Variants in SCNN1B observed in about 807,000 individuals in gnomAD.
SCNN1B encodes sodium channel epithelial 1 subunit beta.
SCNN1B carries 46 observed loss-of-function variants against 65.3 expected under a neutral mutation model. The observed-to-expected ratio is 0.70, with a 90% CI of 0.56 to 0.90. SCNN1B has a LOEUF of 0.90. Among genes scored for constraint, SCNN1B ranks in the 40% least tolerant of loss-of-function variants. SCNN1B has a pLI of 0.00. For synonymous variants in SCNN1B, 349 were observed against 330.6 expected, an observed-to-expected ratio of 1.06 and a Z score of -0.60; for missense variants, 751 against 830.5, an observed-to-expected ratio of 0.90 and a Z score of 1.18.
intron 1 of SCNN1B, among the ~76,000 whole-genome samples, chr16:23,315,291 C>T (rs1170771305): frequency 6.6e-6 from 1 of 151,992 alleles, no homozygotes; most frequent in South Asian, 2.1e-4. Flanking sequence ...GAGCCAAGAT[C>T]GCACCATTGC....
intron 1 of SCNN1B, among the ~76,000 whole-genome samples, chr16:23,321,978 T>G (rs560062386): frequency 1.3e-5 from 2 of 152,208 alleles, no homozygotes; most frequent in South Asian, 4.2e-4. Context: ...TGAGCTAAGA[T>G]AGCACCACTG....
chr16:23,307,379 G>A (rs1216870056), intron 1 of SCNN1B, among the ~76,000 whole-genome samples: 1 of 149,174 alleles, frequency 6.7e-6, no homozygotes, highest in African/African-American at 2.5e-5. Flanking sequence ...GAGTGCAATG[G>A]TGTGATCTCG....
intron 1 of SCNN1B, among the ~76,000 whole-genome samples, chr16:23,323,953 T>G (rs888577817): frequency 2.0e-5 from 3 of 152,198 alleles, no homozygotes; most frequent in African/African-American, 7.2e-5. Flanking sequence ...TTCTCCCTAA[T>G]GAATTACAGT....
In SCNN1B at chr16:23,283,606, T is replaced by C. The variant is rs1481242712; in HGVS notation, n.111-131T>C. Reference sequence around the variant, plus strand: ...ATATGGCATTTGCACCATGGTAAAGTCAGAAAATCCTAAATTGAACCATTG... The same window carrying C: ...ATATGGCATTTGCACCATGGTAAAGCCAGAAAATCCTAAATTGAACCATTG... On this transcript the variant is annotated intron_variant and non_coding_transcript_variant, in intron 1 of 3. Coordinates refer to the SCNN1B transcript ENST00000569789. 4 of 152,162 alleles carry C rather than the reference T, an allele frequency of 2.6e-5. No homozygotes were observed. The East Asian group carries it at 7.7e-4, about 29-fold the overall frequency. 9.4% of individuals were successfully genotyped at this position (152,162 alleles called of 1,614,324 possible). A position where few individuals can be genotyped will look rare whatever the true frequency, so the allele number is the denominator to read the frequency against.
intron 1 of SCNN1B, among the ~76,000 whole-genome samples, chr16:23,308,231 G>A (rs1008084047): frequency 6.6e-6 from 1 of 151,644 alleles, no homozygotes; most frequent in Non-Finnish European, 1.5e-5. Context: ...AGAAAGACAT[G>A]CAGAGTACAA....
intron 4 of SCNN1B, among the ~76,000 whole-genome samples, chr16:23,364,231 A>T (rs2142031891): frequency 6.6e-6 from 1 of 152,316 alleles, no homozygotes; most frequent in Admixed American, 6.5e-5. Context: ...TAGGTAGAAA[A>T]TTCTATTACT....
chr16:23,362,114 G>A (rs1220747279), intron 4 of SCNN1B, among the ~76,000 whole-genome samples: 1 of 152,010 alleles, frequency 6.6e-6, no homozygotes, highest in African/African-American at 2.4e-5. Flanking sequence ...GGAGGCCGAG[G>A]TGGAAGGATT....
rs377276485 is a variant in SCNN1B, at chr16:23,311,134, AC to A, written c.-9+8700del. On this transcript the variant is annotated intron_variant, in intron 1 of 12. Coordinates refer to ENST00000343070, the MANE Select transcript of SCNN1B (RefSeq NM_000336.3). ...TCTGCCATTTCACCCGCAGGAATTGACCCAGTGGTTATCTCTGCATTGGGCA... is the reference window on the plus strand; with the variant it reads ...TCTGCCATTTCACCCGCAGGAATTGACCAGTGGTTATCTCTGCATTGGGCA... Among the ~76,000 whole-genome samples the A allele has an allele frequency of 7.9e-5, 12 of 152,350 alleles. No homozygotes were observed. The East Asian group carries it at 2.3e-3, about 29-fold the overall frequency.
intron 4 of SCNN1B, among the ~76,000 whole-genome samples, chr16:23,363,914 C>G (rs1962600001): frequency 6.6e-6 from 1 of 152,080 alleles, no homozygotes; most frequent in Non-Finnish European, 1.5e-5. Flanking sequence ...ACCCTGTAAT[C>G]CTAGCACTTT....
chr16:23,355,192 G>T, intron 3 of SCNN1B, 107 bp from the exon 4 acceptor site: 2 of 1,109,750 alleles, frequency 1.8e-6, no homozygotes, highest in Non-Finnish European at 2.7e-6. Flanking sequence ...AGCCAGAAAG[G>T]TGGCTGGCAA....
chr16:23,354,927 C>A (rs555290137), intron 3 of SCNN1B, among the ~76,000 whole-genome samples: 1 of 152,288 alleles, frequency 6.6e-6, no homozygotes, highest in East Asian at 1.9e-4. Context: ...TGGCTGTAAA[C>A]TGAGCCACTG....
At chr16:23,303,130 G>A (rs188835133) in intron 1 of SCNN1B, among the ~76,000 whole-genome samples, 1 of 152,334 alleles carries the variant, frequency 6.6e-6, no homozygotes, top group East Asian at 1.9e-4. Context: ...TCTGGACAAT[G>A]TCATATGACT....
chr16:23,365,571 G>GAAAT (rs371165662), intron 4 of SCNN1B, among the ~76,000 whole-genome samples: 1 of 84,492 alleles, frequency 1.2e-5, no homozygotes, highest in Admixed American at 1.1e-4. Flanking sequence ...AAGAAAGAAA[G>GAAAT]AAAGAAAGAA....
chr16:23,336,110 G>A (rs962957813), intron 1 of SCNN1B, among the ~76,000 whole-genome samples: 5 of 152,246 alleles, frequency 3.3e-5, no homozygotes, highest in East Asian at 1.9e-4. Context: ...AGAGGTGGCC[G>A]GAAGCCAGGC....
At chr16:23,360,542 G>A (rs936046939) in intron 4 of SCNN1B, among the ~76,000 whole-genome samples, 12 of 150,092 alleles carry the variant, frequency 8.0e-5, no homozygotes, top group Non-Finnish European at 5.9e-5. Context: ...GGGTGACAGA[G>A]TGAGAGTAAA....
intron 1 of SCNN1B, among the ~76,000 whole-genome samples, chr16:23,316,906 C>T (rs1028961178): frequency 1.1e-4 from 17 of 152,144 alleles, no homozygotes; most frequent in Non-Finnish European, 1.9e-4. Flanking sequence ...TCACCATCAC[C>T]TCCATTATCA....
intron 1 of SCNN1B, among the ~76,000 whole-genome samples, chr16:23,342,932 A>G (rs1393207756): frequency 2.0e-5 from 3 of 152,206 alleles, no homozygotes; most frequent in Non-Finnish European, 2.9e-5. Flanking sequence ...TTTAAAATTG[A>G]TTGTGATGAT....
intron 1 of SCNN1B, among the ~76,000 whole-genome samples, chr16:23,316,986 T>C (rs990848333): frequency 2.0e-5 from 3 of 152,162 alleles, no homozygotes; most frequent in Non-Finnish European, 4.4e-5. Flanking sequence ...CCCACATGGT[T>C]TCCCAGACCC....
upstream of SCNN1B, among the ~76,000 whole-genome samples, chr16:23,299,247 A>G (rs1357629055): frequency 6.6e-6 from 1 of 151,604 alleles, no homozygotes; most frequent in African/African-American, 2.4e-5. Context: ...TTTAGTAGAG[A>G]TGGGGCTTCA....
Sources: allele counts gnomAD v4.1 joint callset (sites outside exome capture counted in the v4.1 genomes callset), GRCh38; gene constraint gnomAD v4.1.1; transcripts MANE v1.5; gene names NCBI Gene and HGNC (gene_info 2026-07-23, HGNC 2026-07-21).